Variants in ZNF438 observed in about 807,000 individuals in gnomAD.
ZNF438 encodes zinc finger protein 438.
ZNF438 carries 25 observed loss-of-function variants against 38.0 expected under a neutral mutation model. The ratio of observed to expected loss-of-function variants is 0.66; its 90% CI spans 0.48 to 0.92. ZNF438 has a LOEUF of 0.92. Ranked by LOEUF, ZNF438 falls within the 40% of genes least tolerant of loss-of-function variation. The pLI, the probability that ZNF438 is intolerant of heterozygous loss-of-function variation, is 0.00. For synonymous variants in ZNF438, 372 were observed against 364.1 expected, an observed-to-expected ratio of 1.02 and a Z score of -0.25; for missense variants, 1,007 against 999.6, an observed-to-expected ratio of 1.01 and a Z score of -0.10.
At position 30,971,212 on chromosome 10, in the gene ZNF438, T is replaced by C. The variant is rs115399862; in HGVS notation, c.-191-29561A>G. On this transcript the variant is annotated intron_variant, in intron 1 of 5. Transcript: ENST00000413025. ...TTACTTCTGAAGGTTATTATGAAGATGAGGCTAAATTATATGAAAAATGCT... is the reference window on the plus strand; with the variant it reads ...TTACTTCTGAAGGTTATTATGAAGACGAGGCTAAATTATATGAAAAATGCT... 4.1e-3 allele frequency among the ~76,000 whole-genome samples: 617 copies of C among 152,344 alleles called. 7 individuals are homozygous for C. Among genetic ancestry groups the C allele is most frequent in the African/African-American group, 0.014 (579 of 41,572 alleles).
chr10:31,028,598 AGG>A (rs2057087811), intron 1 of ZNF438, among the ~76,000 whole-genome samples: 3 of 152,044 alleles, frequency 2.0e-5, no homozygotes, highest in Non-Finnish European at 4.4e-5. Flanking sequence ...TGGGGAGGGG[AGG>A]GTGCAGAAAA....
intron 4 of ZNF438, among the ~76,000 whole-genome samples, chr10:30,853,680 T>TG (rs1161959216): frequency 6.6e-6 from 1 of 152,230 alleles, no homozygotes; most frequent in African/African-American, 2.4e-5. Flanking sequence ...TCCCTCTTCC[T>TG]GTTTCATTTT....
At chr10:30,967,160 C>T (rs989320840) in intron 1 of ZNF438, among the ~76,000 whole-genome samples, 7 of 152,164 alleles carry the variant, frequency 4.6e-5, no homozygotes, top group South Asian at 2.1e-4. Context: ...TGCTCCATGG[C>T]GTAATATTTT....
chr10:31,008,241 A>C (rs1328139440), intron 1 of ZNF438, among the ~76,000 whole-genome samples: 2 of 152,148 alleles, frequency 1.3e-5, no homozygotes, highest in Admixed American at 1.3e-4. Flanking sequence ...AACAGCTCAA[A>C]GTATATTCCC....
chr10:30,877,911 A>G (rs2038678590), intron 3 of ZNF438, among the ~76,000 whole-genome samples: 1 of 152,254 alleles, frequency 6.6e-6, no homozygotes. Flanking sequence ...TTAAAGTAAG[A>G]AAATTGGACA....
chr10:30,850,454 C>G (rs2033387270), intron 4 of ZNF438, 87 bp from the exon 6 acceptor site: 2 of 1,438,096 alleles, frequency 1.4e-6, no homozygotes, highest in African/African-American at 2.8e-5. Flanking sequence ...ATTTACTCTG[C>G]CCAGAACAGA....
chr10:30,959,649 G>A (rs1423849446), intron 1 of ZNF438, among the ~76,000 whole-genome samples: 1 of 145,392 alleles, frequency 6.9e-6, no homozygotes, highest in Non-Finnish European at 1.6e-5. Flanking sequence ...TCAGGAGGCT[G>A]AGGCAGGAGA....
chr10:30,862,925 T>A (rs970540020), intron 4 of ZNF438, among the ~76,000 whole-genome samples: 1 of 152,222 alleles, frequency 6.6e-6, no homozygotes, highest in Non-Finnish European at 1.5e-5. Flanking sequence ...AAAAGAGGTA[T>A]TTTTGAGGAA....
At chr10:30,846,254 T>C (rs1241128172) in intron 5 of ZNF438, among the ~76,000 whole-genome samples, 1 of 152,146 alleles carries the variant, frequency 6.6e-6, no homozygotes, top group African/African-American at 2.4e-5. Flanking sequence ...GATTTCATAT[T>C]CAGAAAGGAG....
At chr10:30,907,336 T>A (rs563810001) in intron 3 of ZNF438, among the ~76,000 whole-genome samples, 1 of 152,210 alleles carries the variant, frequency 6.6e-6, no homozygotes, top group Non-Finnish European at 1.5e-5. Context: ...TGTGTTGTTG[T>A]TGTCTTGTCC....
At chr10:30,970,259 A>T (rs1475300800) in intron 1 of ZNF438, among the ~76,000 whole-genome samples, 1 of 152,050 alleles carries the variant, frequency 6.6e-6, no homozygotes, top group Non-Finnish European at 1.5e-5. Flanking sequence ...AACCTTTCTC[A>T]AGTAATAAAG....
intron 1 of ZNF438, among the ~76,000 whole-genome samples, chr10:31,025,095 A>G (rs2056852538): frequency 6.6e-6 from 1 of 152,242 alleles, no homozygotes; most frequent in Non-Finnish European, 1.5e-5. Context: ...TAAAAGCAGT[A>G]CAACACAATC....
chr10:30,887,410 T>A (rs1379766869), intron 3 of ZNF438, among the ~76,000 whole-genome samples: 1 of 152,100 alleles, frequency 6.6e-6, no homozygotes, highest in Non-Finnish European at 1.5e-5. Flanking sequence ...TCTCACACTG[T>A]TGCCCAGGCT....
intron 1 of ZNF438, among the ~76,000 whole-genome samples, chr10:31,014,659 C>T (rs568212301): frequency 2.6e-5 from 4 of 152,204 alleles, no homozygotes; most frequent in Middle Eastern, 3.4e-3. Flanking sequence ...TGCGTGATGA[C>T]GGTGAAGGTA....
chr10:30,940,080 G>C (rs1358402074), intron 2 of ZNF438, among the ~76,000 whole-genome samples: 1 of 152,098 alleles, frequency 6.6e-6, no homozygotes, highest in Non-Finnish European at 1.5e-5. Context: ...CAGGAGTGCA[G>C]AACAAAAATG....
At chr10:30,953,658 AC>A (rs2048511508) in intron 1 of ZNF438, among the ~76,000 whole-genome samples, 1 of 94,326 alleles carries the variant, frequency 1.1e-5, no homozygotes, top group South Asian at 2.8e-4. Flanking sequence ...AAACATACAC[AC>A]ACACACACAC....
intron 2 of ZNF438, among the ~76,000 whole-genome samples, chr10:30,941,324 G>A (rs888305058): frequency 1.3e-5 from 2 of 151,996 alleles, no homozygotes; most frequent in Admixed American, 6.6e-5. Context: ...CACCCATCTC[G>A]GCCTCCCAAA....
At chr10:30,933,865 G>A (rs1196275087) in intron 2 of ZNF438, among the ~76,000 whole-genome samples, 1 of 152,172 alleles carries the variant, frequency 6.6e-6, no homozygotes, top group Non-Finnish European at 1.5e-5. Flanking sequence ...CAGCGCTTGA[G>A]GACAGGCGCG....
At chr10:30,851,691 T>A (rs1392126647) in intron 4 of ZNF438, among the ~76,000 whole-genome samples, 8 of 152,248 alleles carry the variant, frequency 5.3e-5, no homozygotes, top group Non-Finnish European at 4.4e-5. Context: ...TGAAGATTTT[T>A]AAATTGTCTT....
Sources: gnomAD v4.1 joint callset for allele counts (sites outside exome capture counted in the v4.1 genomes callset) on GRCh38, gnomAD v4.1.1 for gene constraint, MANE v1.5 for transcripts, NCBI Gene and HGNC (gene_info 2026-07-23, HGNC 2026-07-21) for gene names.